PRELID2: variants seen among roughly 807,000 people sequenced by gnomAD.
PRELID2 encodes the protein PRELI domain containing 2.
PRELID2 carries 25 observed loss-of-function variants against 28.4 expected under a neutral mutation model. That is an observed-to-expected ratio of 0.88 (90% CI 0.64 to 1.23). PRELID2 has a LOEUF of 1.23. Among genes scored for constraint, PRELID2 ranks in the 50% most tolerant of loss-of-function variants. The pLI is 0.00. For synonymous variants in PRELID2, 76 were observed against 71.6 expected, an observed-to-expected ratio of 1.06 and a Z score of -0.31; for missense variants, 201 against 214.4, an observed-to-expected ratio of 0.94 and a Z score of 0.39.
At chr5:145,831,547 C>T (rs1379558203) in intron 1 of PRELID2, among the ~76,000 whole-genome samples, 3 of 152,166 alleles carry the variant, frequency 2.0e-5, no homozygotes, top group African/African-American at 7.2e-5. Flanking sequence ...CTTTGAATAA[C>T]ATAAGGGGAA....
At chr5:145,646,361 G>A (rs984597636) in intron 1 of PRELID2, among the ~76,000 whole-genome samples, 3 of 151,982 alleles carry the variant, frequency 2.0e-5, no homozygotes, top group African/African-American at 7.3e-5. Context: ...CGAAGTTCTC[G>A]TGCTGTGTTT....
At chr5:145,664,234 C>G (rs1055567358) in intron 1 of PRELID2, among the ~76,000 whole-genome samples, 5 of 152,232 alleles carry the variant, frequency 3.3e-5, no homozygotes, top group East Asian at 1.9e-4. Flanking sequence ...CAGATATTGA[C>G]AGGCTTTTGA....
chr5:145,338,010 T>C, the PRELID2 span: 2 of 152,138 alleles, frequency 1.3e-5, no homozygotes, highest in Admixed American at 1.3e-4. Context: ...TAAAATGTGA[T>C]TTATTCTTCA....
chr5:145,485,296 C>T (rs918126879), intron 1 of PRELID2, among the ~76,000 whole-genome samples: 1 of 152,146 alleles, frequency 6.6e-6, no homozygotes, highest in Non-Finnish European at 1.5e-5. Flanking sequence ...GTGGCAACTG[C>T]CAAGGCCTTA....
At chr5:145,396,139 A>C in the PRELID2 span, among the ~76,000 whole-genome samples, 10 of 152,192 alleles carry the variant, frequency 6.6e-5, no homozygotes, top group Non-Finnish European at 1.0e-4. Context: ...ACTAGTTCAA[A>C]GGAACAAATG....
At chr5:145,740,840 CGA>C (rs1446322496) in intron 1 of PRELID2, among the ~76,000 whole-genome samples, 57,326 of 104,854 alleles carry the variant, frequency 0.55, 23,209 homozygotes, top group East Asian at 0.68. Flanking sequence ...ATATATTTAT[CGA>C]TAAATATATA....
the PRELID2 span, among the ~76,000 whole-genome samples, chr5:145,261,336 C>T: frequency 2.6e-5 from 4 of 152,180 alleles, no homozygotes; most frequent in African/African-American, 7.2e-5. Context: ...AGCTAATCTG[C>T]TCTTGAAAGT....
chr5:145,319,742 T>G, the PRELID2 span, among the ~76,000 whole-genome samples: 1 of 151,958 alleles, frequency 6.6e-6, no homozygotes, highest in African/African-American at 2.4e-5. Context: ...TTTTAAAAAG[T>G]AACTCCACCG....
chr5:145,703,246 T>C (rs1755455460), intron 1 of PRELID2, among the ~76,000 whole-genome samples: 1 of 152,250 alleles, frequency 6.6e-6, no homozygotes, highest in Admixed American at 6.5e-5. Flanking sequence ...TCAGCTGAAA[T>C]GCCTTAAGCA....
the PRELID2 span, among the ~76,000 whole-genome samples, chr5:145,285,165 C>T: frequency 6.6e-6 from 1 of 152,014 alleles, no homozygotes; most frequent in Non-Finnish European, 1.5e-5. Flanking sequence ...TGTCTTCTTC[C>T]CTGTCTCAAG....
chr5:145,546,006 A>T (rs745871176), intron 1 of PRELID2, among the ~76,000 whole-genome samples: 147 of 152,286 alleles, frequency 9.7e-4, no homozygotes, highest in Non-Finnish European at 4.3e-4. Flanking sequence ...AATGGAAATA[A>T]GGTCCATTAG....
chr5:145,364,422 T>C, the PRELID2 span, among the ~76,000 whole-genome samples: 1 of 152,034 alleles, frequency 6.6e-6, no homozygotes, highest in African/African-American at 2.4e-5. Context: ...TGAATTAATG[T>C]ACCTTTAAAT....
At chr5:145,356,470 T>G in the PRELID2 span, among the ~76,000 whole-genome samples, 3 of 152,116 alleles carry the variant, frequency 2.0e-5, no homozygotes, top group Admixed American at 2.0e-4. Context: ...GGTATATATC[T>G]ATTTTGGATG....
intron 2 of PRELID2, among the ~76,000 whole-genome samples, chr5:145,820,369 C>G (rs557732015): frequency 6.6e-6 from 1 of 152,100 alleles, no homozygotes; most frequent in Admixed American, 6.6e-5. Context: ...AAGGGTACAA[C>G]AGTAACTCAG....
rs184342008 is a variant in PRELID2, at chr5:145,717,535, G to C, written n.70+47396C>G. ...AGGATAAAACGATGCACAGAAAATT[G>C]GTAGTGGTAGAAGAAAGAAGAGGTG... is the stretch of plus-strand genomic sequence containing the variant. On this transcript the variant is annotated intron_variant and non_coding_transcript_variant, in intron 1 of 2. Coordinates refer to the PRELID2 transcript ENST00000510259. 2.5e-3 allele frequency among the ~76,000 whole-genome samples: 377 copies of C among 152,058 alleles called. 1 individual carries two copies. The highest frequency in any genetic ancestry group is 8.2e-3 in the African/African-American group (342 of 41,518).
intron 1 of PRELID2, among the ~76,000 whole-genome samples, chr5:145,604,675 T>C (rs953029525): frequency 9.3e-5 from 14 of 151,074 alleles, no homozygotes; most frequent in Non-Finnish European, 1.9e-4. Context: ...ATGGCTAAAC[T>C]AATTTACATT....
At chr5:145,807,109 A>C (rs998728301) in intron 4 of PRELID2, among the ~76,000 whole-genome samples, 1 of 152,228 alleles carries the variant, frequency 6.6e-6, no homozygotes, top group African/African-American at 2.4e-5. Flanking sequence ...CACCACAAAC[A>C]CATGAGTAAT....
the PRELID2 span, among the ~76,000 whole-genome samples, chr5:145,412,620 C>A: frequency 6.6e-6 from 1 of 152,154 alleles, no homozygotes; most frequent in Non-Finnish European, 1.5e-5. Flanking sequence ...TATTCTGAGT[C>A]CTCCAAACTG....
the PRELID2 span, among the ~76,000 whole-genome samples, chr5:145,231,032 A>T: frequency 9.2e-5 from 14 of 152,196 alleles, no homozygotes; most frequent in Admixed American, 2.0e-4. Context: ...TCAGTTCATC[A>T]GAAGCACGTC....
Sources: allele counts gnomAD v4.1 joint callset (sites outside exome capture counted in the v4.1 genomes callset), GRCh38; gene constraint gnomAD v4.1.1; transcripts MANE v1.5; gene names NCBI Gene and HGNC (gene_info 2026-07-23, HGNC 2026-07-21).